BIN3: variants seen among roughly 807,000 people sequenced by gnomAD.
BIN3 encodes bridging integrator 3.
Under a neutral mutation model 38.2 loss-of-function variants are expected in BIN3, and 41 were observed. The ratio of observed to expected loss-of-function variants is 1.07; its 90% CI spans 0.84 to 1.39. The LOEUF is 1.39. Ranked by LOEUF, BIN3 falls within the 40% of genes most tolerant of loss-of-function variation. The pLI, the probability that BIN3 is intolerant of heterozygous loss-of-function variation, is 0.00. For missense variants in BIN3, 361 were observed against 324.3 expected, an observed-to-expected ratio of 1.11 and a Z score of -0.87; for synonymous variants, 145 against 122.6, an observed-to-expected ratio of 1.18 and a Z score of -1.21.
chr8:22,629,695 C>A (rs1253693426), intron 6 of BIN3: 1 of 558,572 alleles, frequency 1.8e-6, no homozygotes, highest in South Asian at 2.3e-5. Flanking sequence ...GTCAAATGAC[C>A]ACCAGAACAG....
chr8:22,648,915 G>GTATT (rs757929986), intron 1 of BIN3, among the ~76,000 whole-genome samples: 1 of 151,550 alleles, frequency 6.6e-6, no homozygotes, highest in East Asian at 1.9e-4. Context: ...ATGTATGTAT[G>GTATT]TATGTATGTA....
intron 1 of BIN3, among the ~76,000 whole-genome samples, chr8:22,647,632 G>A (rs1338550262): frequency 1.3e-5 from 2 of 152,316 alleles, no homozygotes; most frequent in East Asian, 1.9e-4. Context: ...ATGGGAGGAC[G>A]TTCGTGCTGA....
intron 1 of BIN3, among the ~76,000 whole-genome samples, chr8:22,651,236 C>T (rs891654138): frequency 1.3e-5 from 2 of 152,198 alleles, no homozygotes; most frequent in Admixed American, 6.5e-5. Flanking sequence ...TGCTTGTCTA[C>T]GTACTTATCC....
chr8:22,650,250 G>A (rs1446543512), intron 1 of BIN3, among the ~76,000 whole-genome samples: 1 of 152,188 alleles, frequency 6.6e-6, no homozygotes, highest in Non-Finnish European at 1.5e-5. Flanking sequence ...CTGCCCTAGA[G>A]ACAGATTGAA....
At chr8:22,651,583 T>TAA (rs2117575749) in intron 1 of BIN3, among the ~76,000 whole-genome samples, 1 of 152,358 alleles carries the variant, frequency 6.6e-6, no homozygotes, top group East Asian at 1.9e-4. Flanking sequence ...GGCATAGAAT[T>TAA]AAAGGCTGGA....
chr8:22,640,279 G>C (rs1802505591), intron 2 of BIN3, among the ~76,000 whole-genome samples: 1 of 151,870 alleles, frequency 6.6e-6, no homozygotes, highest in African/African-American at 2.4e-5. Flanking sequence ...CCAGGCTCAA[G>C]CAATTCTCAT....
At chr8:22,630,071 C>A in intron 5 of BIN3, 67 bp from the exon 6 acceptor site, 1 of 1,457,258 alleles carries the variant, frequency 6.9e-7, no homozygotes, top group East Asian at 2.4e-5. Context: ...AAGGCAGGGC[C>A]CCTAACTACC....
rs1328983380 is a variant in BIN3 at position 22,621,181 on chromosome 8, A to G, written c.*241T>C. ...CAGGATGCATGCTGGACGGTTCTCC[A>G]AATAAAAAAGCCCCAAGGGTTTGTC... is the stretch of plus-strand genomic sequence containing the variant. On this transcript the variant is annotated 3_prime_UTR_variant, in exon 9 of 9. Coordinates refer to ENST00000276416, the MANE Select transcript of BIN3 (RefSeq NM_018688.6). 5 of 534,914 alleles carry G rather than the reference A, an allele frequency of 9.3e-6. No homozygotes were observed. Among genetic ancestry groups the G allele is most frequent in the African/African-American group, 5.7e-5 (3 of 52,322 alleles). The allele number at this position is 534,914 out of a possible 1,614,324, so 33.1% of individuals were successfully genotyped here. A position where few individuals can be genotyped will look rare whatever the true frequency, so the allele number is the denominator to read the frequency against.
At chr8:22,630,316 A>C in intron 5 of BIN3, 126 bp downstream of exon 5, 8 of 1,368,220 alleles carry the variant, frequency 5.8e-6, no homozygotes, top group Non-Finnish European at 8.0e-6. Context: ...CTTGCAGCAC[A>C]CGAGGCCAGA....
chr8:22,638,806 C>T (rs931160011), intron 2 of BIN3, among the ~76,000 whole-genome samples: 6 of 152,190 alleles, frequency 3.9e-5, no homozygotes, highest in Non-Finnish European at 8.8e-5. Context: ...CCATTGGTGC[C>T]CCCGCCTCCC....
chr8:22,664,994 T>C (rs1399292129), intron 1 of BIN3, among the ~76,000 whole-genome samples: 5 of 152,252 alleles, frequency 3.3e-5, no homozygotes, highest in African/African-American at 9.6e-5. Flanking sequence ...ATACCCACTA[T>C]GCGTACAAAA....
rs73671217 is a variant in BIN3 at position 22,627,036 on chromosome 8, C to T, written c.339-2673G>A. Among the ~76,000 whole-genome samples, 570 of 152,320 alleles carry T rather than the reference C, an allele frequency of 3.7e-3. 2 individuals carry two copies. Among genetic ancestry groups the T allele is most frequent in the African/African-American group, 0.012 (501 of 41,564 alleles). The stretch of plus-strand genomic sequence containing the variant: ...TCCTGCCAGCCCCCTGGAACCAAGA[C>T]CACCTGCCTCTGCAGGCCGCCTGCC... On this transcript the variant is annotated intron_variant, in intron 6 of 8. Transcript: ENST00000276416.
intron 6 of BIN3, among the ~76,000 whole-genome samples, chr8:22,626,853 G>C (rs1028591891): frequency 6.6e-6 from 1 of 152,192 alleles, no homozygotes; most frequent in Non-Finnish European, 1.5e-5. Flanking sequence ...CCTTCCCACA[G>C]CTGTCGGCTG....
rs186164213 is a variant in BIN3, at chr8:22,642,023, C to A, written c.57+2732G>T. Among the ~76,000 whole-genome samples, 377 of 152,264 alleles carry A rather than the reference C, an allele frequency of 2.5e-3. 1 individual carries two copies. The highest frequency in any genetic ancestry group is 0.011 in the South Asian group (51 of 4,822). ...CCCAGCAGGAACAAGCCATTCTAGC[C>A]AAAGCCTTGACAATAATGGAATTTG... is the stretch of plus-strand genomic sequence containing the variant. On this transcript the variant is annotated intron_variant, in intron 2 of 8. Transcript: ENST00000276416.
intron 2 of BIN3, among the ~76,000 whole-genome samples, chr8:22,638,187 T>C (rs1026901402): frequency 1.3e-5 from 2 of 152,244 alleles, no homozygotes; most frequent in Admixed American, 6.5e-5. Context: ...ACGCTATTCC[T>C]ACCACTGTCT....
chr8:22,642,167 A>G (rs1271897734), intron 2 of BIN3, among the ~76,000 whole-genome samples: 1 of 152,188 alleles, frequency 6.6e-6, no homozygotes, highest in Admixed American at 6.5e-5. Flanking sequence ...TAACGTGAGC[A>G]TTTCTTCCCA....
Sources: allele counts gnomAD v4.1 joint callset (sites outside exome capture counted in the v4.1 genomes callset), GRCh38; gene constraint gnomAD v4.1.1; transcripts MANE v1.5; gene names NCBI Gene and HGNC (gene_info 2026-07-23, HGNC 2026-07-21).